GJC1: variants seen among roughly 807,000 people sequenced by gnomAD.
GJC1 encodes the protein gap junction protein gamma 1, also known as gap junction gamma-1 protein.
In GJC1, 5 loss-of-function variants were observed where a neutral mutation model predicts 29.3. The observed-to-expected ratio is 0.17, with a 90% CI of 0.09 to 0.36. The LOEUF is 0.36. GJC1 is among the 10% of genes least tolerant of loss of function. The pLI is 1.00. For missense variants in GJC1, 310 were observed against 496.2 expected (o/e 0.62, Z 3.56); for synonymous variants, 177 against 183.3 (o/e 0.97, Z 0.28).
chr17:44,794,255 A>G (rs2049771346), downstream of GJC1: 1 of 152,296 alleles, frequency 6.6e-6, no homozygotes, highest in Non-Finnish European at 1.5e-5. Flanking sequence ...GCAGGATCAC[A>G]AGCTGGTCTC....
downstream of GJC1, chr17:44,794,338 C>T (rs918889086): frequency 1.3e-5 from 2 of 152,218 alleles, no homozygotes; most frequent in Non-Finnish European, 2.9e-5. Context: ...AATGTGAAGT[C>T]AACAATCCAC....
At position 44,799,233 on chromosome 17, in the gene GJC1, T is replaced by C. The variant is rs925638387; in HGVS notation, c.*5394A>G. On this transcript the variant is annotated 3_prime_UTR_variant, in exon 3 of 3. Coordinates refer to ENST00000592524, the MANE Select transcript of GJC1 (RefSeq NM_005497.4). ...CTTTTTTCCTCTTTTTTGGCGACAG[T>C]CTTACTCTGTCACCCAGGCTGGAGT... 2 of 152,160 alleles carry C rather than the reference T, an allele frequency of 1.3e-5. No individual in the cohort carries two copies. The highest frequency in any genetic ancestry group is 1.9e-4 in the East Asian group (1 of 5,192). The allele number at this position is 152,160 out of a possible 1,614,324, so 9.4% of individuals were successfully genotyped here. A position where few individuals can be genotyped will look rare whatever the true frequency, so the allele number is the denominator to read the frequency against.
At chr17:44,819,025 T>C (rs2050074726) in intron 1 of GJC1, among the ~76,000 whole-genome samples, 1 of 152,178 alleles carries the variant, frequency 6.6e-6, no homozygotes, top group African/African-American at 2.4e-5. Flanking sequence ...ACTTGTGTCC[T>C]GTTAAATTAT....
At chr17:44,806,154 T>G (rs2049910666) in intron 2 of GJC1, among the ~76,000 whole-genome samples, 1 of 151,774 alleles carries the variant, frequency 6.6e-6, no homozygotes, top group South Asian at 2.1e-4. Flanking sequence ...GCACCTGTAA[T>G]CCCAGCAGCT....
At chr17:44,810,808 C>T (rs995375971) in intron 1 of GJC1, among the ~76,000 whole-genome samples, 1 of 151,954 alleles carries the variant, frequency 6.6e-6, no homozygotes, top group Non-Finnish European at 1.5e-5. Context: ...GGGTCTCGCT[C>T]TGTTGCCCAC....
downstream of GJC1, among the ~76,000 whole-genome samples, chr17:44,795,733 G>A (rs1291165240): frequency 2.0e-5 from 3 of 152,210 alleles, no homozygotes; most frequent in African/African-American, 7.2e-5. Flanking sequence ...AGCCCCAGTG[G>A]GCGTATGTTA....
rs564864204 is a variant in GJC1, at chr17:44,800,539, C to G, written c.*4088G>C. 1 of 152,276 alleles carries G rather than the reference C, an allele frequency of 6.6e-6. No homozygotes were observed. The highest frequency in any genetic ancestry group is 1.9e-4 in the East Asian group (1 of 5,186). 9.4% of individuals were successfully genotyped at this position (152,276 alleles called of 1,614,324 possible). A position where few individuals can be genotyped will look rare whatever the true frequency, so the allele number is the denominator to read the frequency against. ...TAGCCAAAAATGTATCATCAACTAT[C>G]GATTTTATTTTCAGAAGTGGACTGT... On this transcript the variant is annotated 3_prime_UTR_variant, in exon 3 of 3. Transcript: ENST00000592524.
At chr17:44,830,625 G>C (rs1488674836), upstream of GJC1, 4 of 398,590 alleles carry the variant, frequency 1.0e-5, no homozygotes, top group Non-Finnish European at 1.8e-5. The surrounding 1 kb of genome is among the most constrained non-coding windows in gnomAD (Gnocchi z 4.3). Flanking sequence ...GGCGCCGTGG[G>C]TTCTCGCCTT....
At chr17:44,795,557 A>G (rs886834636), downstream of GJC1, among the ~76,000 whole-genome samples, 20 of 152,174 alleles carry the variant, frequency 1.3e-4, no homozygotes, top group African/African-American at 4.8e-4. Context: ...TTCATGATGA[A>G]ACAGGAAAAG....
rs766311576 is a variant in GJC1 at position 44,804,952 on chromosome 17, C to T, written c.866G>A (p.Gly289Asp). 1.2e-6 allele frequency: 2 copies of T among 1,614,080 alleles called. No homozygotes were observed. Among genetic ancestry groups the T allele is most frequent in the Non-Finnish European group, 1.7e-6 (2 of 1,179,992 alleles). Residue 289 changes from glycine (G) to aspartate (D), a missense_variant, in exon 3 of 3, where the codon GGC becomes GAC. Physicochemically the swap from Gly to Asp is moderately conservative, Grantham distance 94. Coordinates refer to ENST00000592524, the MANE Select transcript of GJC1 (RefSeq NM_005497.4). ...ATCTGGTTTGACAGCAATGTTATAG[C>T]CAGGGGGAGCAGATGGTGTATTCCA... ...FTWNTPSAPP[G>D]YNIAVKPDQI...
In GJC1 at chr17:44,830,236, T is replaced by TGCCGCCGCCGCCGCC. The variant is rs997845649; in HGVS notation, c.-286_-272dup. On this transcript the variant is annotated 5_prime_UTR_variant, in exon 1 of 3. Coordinates refer to ENST00000592524, the MANE Select transcript of GJC1 (RefSeq NM_005497.4). This position sits in a 1 kb window ranked among gnomAD's most constrained non-coding sequence, Gnocchi z 4.3. ...CCGAGGCAGAAGCCGCTCCCGCCGCTGCCGCCGCCGCCGCCGCCTCCCGCT... is the reference window on the plus strand; with the variant it reads ...CCGAGGCAGAAGCCGCTCCCGCCGCTGCCGCCGCCGCCGCCGCCGCCGCCGCCGCCGCCTCCCGCT... 2.5e-5 allele frequency: 4 copies of TGCCGCCGCCGCCGCC among 160,278 alleles called. No homozygotes were observed. Among genetic ancestry groups the TGCCGCCGCCGCCGCC allele is most frequent in the African/African-American group, 7.3e-5 (3 of 41,098 alleles). 9.9% of individuals were successfully genotyped at this position (160,278 alleles called of 1,614,324 possible). A position where few individuals can be genotyped will look rare whatever the true frequency, so the allele number is the denominator to read the frequency against.
intron 1 of GJC1, among the ~76,000 whole-genome samples, chr17:44,811,695 T>C (rs903802638): frequency 6.6e-6 from 1 of 152,052 alleles, no homozygotes; most frequent in East Asian, 1.9e-4. Flanking sequence ...CCTCTTTCTC[T>C]TAATATAATT....
Position 44,800,873 on chromosome 17 carries a change from T to G in GJC1, c.*3754A>C, listed in dbSNP as rs1247914767. 1.3e-5 allele frequency: 2 copies of G among 149,004 alleles called. No homozygotes were observed. Among genetic ancestry groups the G allele is most frequent in the Non-Finnish European group, 3.0e-5 (2 of 67,648 alleles). The allele number at this position is 149,004 out of a possible 1,614,324, so 9.2% of individuals were successfully genotyped here. A position where few individuals can be genotyped will look rare whatever the true frequency, so the allele number is the denominator to read the frequency against. The stretch of plus-strand genomic sequence containing the variant: ...GAAACTTGAAAACAAAGCCACAAAA[T>G]GAACATTAACATTTCTTTAGGGGAA... On this transcript the variant is annotated 3_prime_UTR_variant, in exon 3 of 3. Transcript: ENST00000592524.
At chr17:44,813,544 G>A (rs1180483682) in intron 1 of GJC1, among the ~76,000 whole-genome samples, 2 of 137,134 alleles carry the variant, frequency 1.5e-5, no homozygotes, top group African/African-American at 5.5e-5. Flanking sequence ...CCAGGCTGGA[G>A]TGCAGTACCA....
chr17:44,825,188 CAAAAAAAAAAAAAAAAAA>C (rs1162077867), intron 1 of GJC1, among the ~76,000 whole-genome samples: 5 of 45,978 alleles, frequency 1.1e-4, no homozygotes, highest in Non-Finnish European at 1.8e-4. Context: ...GTCTCAATTA[CAAAAAAAAAAAAAAAAAA>C]AAAAAAAAAA....
intron 1 of GJC1, among the ~76,000 whole-genome samples, chr17:44,812,842 T>C (rs1409978999): frequency 6.6e-6 from 1 of 151,204 alleles, no homozygotes; most frequent in Non-Finnish European, 1.5e-5. Flanking sequence ...AGAGACAGGG[T>C]TTCACCACAT....
chr17:44,819,592 A>G (rs1294548400), intron 1 of GJC1, among the ~76,000 whole-genome samples: 1 of 151,926 alleles, frequency 6.6e-6, no homozygotes, highest in Non-Finnish European at 1.5e-5. Flanking sequence ...CAGGAGGCAG[A>G]GCTTGCAGTG....
chr17:44,818,937 G>A (rs1246563287), intron 1 of GJC1, among the ~76,000 whole-genome samples: 3 of 151,920 alleles, frequency 2.0e-5, no homozygotes, highest in Non-Finnish European at 4.4e-5. Context: ...GCGAGACCCC[G>A]TCTCTATTTA....
At chr17:44,794,840 G>A (rs577242360), downstream of GJC1, 266 of 152,294 alleles carry the variant, frequency 1.7e-3, no homozygotes, top group African/African-American at 6.1e-3. Flanking sequence ...TTTGGCTGAG[G>A]GCAAAGACAA....
Sources: gnomAD v4.1 joint callset for allele counts (sites outside exome capture counted in the v4.1 genomes callset) on GRCh38, gnomAD v4.1.1 for gene constraint, Gnocchi (gnomAD v3.1) non-coding constraint, MANE v1.5 for transcripts, NCBI Gene and HGNC (gene_info 2026-07-23, HGNC 2026-07-21) for gene names.